The following MKLN1 variants were observed in gnomAD, a reference collection of about 807,000 sequenced individuals.
MKLN1 encodes the protein muskelin 1.
In MKLN1, 18 loss-of-function variants were observed where a neutral mutation model predicts 99.0. The observed-to-expected ratio is 0.18, with a 90% CI of 0.13 to 0.27. The LOEUF (loss-of-function observed/expected upper bound fraction) is 0.27, where lower values mean the gene tolerates loss of function less well. MKLN1 is among the 10% of genes least tolerant of loss of function. MKLN1 has a pLI of 1.00. For missense variants in MKLN1, 621 were observed against 875.9 expected (o/e 0.71, Z 3.67); for synonymous variants, 288 against 293.2 (o/e 0.98, Z 0.18).
At chr7:131,214,381 C>T (rs1796948918) in intron 3 of MKLN1, among the ~76,000 whole-genome samples, 1 of 152,072 alleles carries the variant, frequency 6.6e-6, no homozygotes, top group African/African-American at 2.4e-5. Context: ...GTAAGTTTTC[C>T]TCATACTGAA....
At chr7:131,450,390 A>G (rs548513417) in intron 12 of MKLN1, among the ~76,000 whole-genome samples, 1 of 152,344 alleles carries the variant, frequency 6.6e-6, no homozygotes, top group Admixed American at 6.5e-5. Context: ...TGACAGCCTT[A>G]CCTTTAGATT....
At chr7:131,343,300 A>G (rs1016916659) in intron 1 of MKLN1, among the ~76,000 whole-genome samples, 11 of 152,188 alleles carry the variant, frequency 7.2e-5, no homozygotes, top group African/African-American at 2.4e-4. Context: ...ACTTTTCCCT[A>G]AAGTTTATAC....
intron 9 of MKLN1, among the ~76,000 whole-genome samples, chr7:131,430,805 A>G (rs779292293): frequency 5.5e-4 from 83 of 152,266 alleles, no homozygotes; most frequent in Non-Finnish European, 4.4e-4. Context: ...GCTCACACCT[A>G]TAATCACAGT....
At chr7:131,453,010 A>C (rs1294235304) in intron 12 of MKLN1, among the ~76,000 whole-genome samples, 1 of 152,200 alleles carries the variant, frequency 6.6e-6, no homozygotes, top group African/African-American at 2.4e-5. Context: ...CTGTCAGTTT[A>C]GTATGTTTTG....
intron 3 of MKLN1, among the ~76,000 whole-genome samples, chr7:131,292,690 G>T (rs1010632402): frequency 1.3e-5 from 2 of 152,206 alleles, no homozygotes; most frequent in Non-Finnish European, 2.9e-5. Context: ...AGGGAGCATG[G>T]CCCTGCCAAC....
chr7:131,324,999 A>G (rs1478952559), upstream of MKLN1, among the ~76,000 whole-genome samples: 7 of 152,200 alleles, frequency 4.6e-5, no homozygotes, highest in Admixed American at 3.3e-4. Flanking sequence ...CTGAGTAGCA[A>G]TTATACCTCA....
At chr7:131,190,824 T>C (rs998486697) in intron 2 of MKLN1, among the ~76,000 whole-genome samples, 26 of 152,098 alleles carry the variant, frequency 1.7e-4, no homozygotes, top group African/African-American at 6.0e-4. Flanking sequence ...AGACTGGTAG[T>C]GGAAAATGGA....
chr7:131,438,878 A>C (rs936919561), intron 10 of MKLN1, among the ~76,000 whole-genome samples: 6 of 152,078 alleles, frequency 3.9e-5, no homozygotes, highest in Non-Finnish European at 4.4e-5. Context: ...CATAGAACCC[A>C]GGGTCTTTAT....
At chr7:131,156,364 A>G (rs944443035) in intron 2 of MKLN1, among the ~76,000 whole-genome samples, 2 of 151,336 alleles carry the variant, frequency 1.3e-5, no homozygotes, top group Non-Finnish European at 2.9e-5. Context: ...CGTCTCTACT[A>G]AAAAATACAA....
At chr7:131,312,741 A>G (rs535340217) in intron 3 of MKLN1, among the ~76,000 whole-genome samples, 1 of 152,310 alleles carries the variant, frequency 6.6e-6, no homozygotes, top group Non-Finnish European at 1.5e-5. Context: ...CTGGCCTAGT[A>G]GTTTTAGTTA....
At chr7:131,175,371 T>A (rs1022636945) in intron 2 of MKLN1, among the ~76,000 whole-genome samples, 1 of 152,178 alleles carries the variant, frequency 6.6e-6, no homozygotes, top group Non-Finnish European at 1.5e-5. Context: ...GGAAATAATA[T>A]TTATGAGTGC....
chr7:131,291,100 A>ATTTT (rs1554547690), intron 3 of MKLN1, among the ~76,000 whole-genome samples: 119 of 111,172 alleles, frequency 1.1e-3, no homozygotes, highest in Non-Finnish European at 1.5e-3. Context: ...ATCTCATTTT[A>ATTTT]TTTTATTTAT....
At position 131,118,043 on chromosome 7, in the gene MKLN1, G is replaced by C. The variant is rs1287574737; in HGVS notation, c.-419+7836G>C. ...CCAATGTTGGAGGTGGGGCCTGGTG[G>C]GAGGTATTGGATCATGGGGGCAGAT... On this transcript the variant is annotated intron_variant, in intron 1 of 7. Coordinates refer to the MKLN1 transcript ENST00000416992. Among the ~76,000 whole-genome samples, 3 of 152,170 alleles carry C rather than the reference G, an allele frequency of 2.0e-5. 1 individual carries two copies. The highest frequency in any genetic ancestry group is 1.3e-4 in the Admixed American group (2 of 15,282).
intron 15 of MKLN1, among the ~76,000 whole-genome samples, chr7:131,466,646 G>A (rs1191876106): frequency 6.6e-6 from 1 of 152,050 alleles, no homozygotes; most frequent in Non-Finnish European, 1.5e-5. Flanking sequence ...TTAAAAAAAT[G>A]GAAAATAATT....
intron 6 of MKLN1, among the ~76,000 whole-genome samples, chr7:131,407,576 C>T (rs1794743704): frequency 1.3e-5 from 2 of 151,664 alleles, no homozygotes; most frequent in Non-Finnish European, 2.9e-5. Flanking sequence ...AAGATTTTTC[C>T]TTATAACACC....
At chr7:131,139,503 C>G (rs564210517) in intron 1 of MKLN1, among the ~76,000 whole-genome samples, 2 of 152,134 alleles carry the variant, frequency 1.3e-5, no homozygotes, top group African/African-American at 4.8e-5. Context: ...CTAGAGAGGC[C>G]CCCTGCTTGG....
intron 1 of MKLN1, among the ~76,000 whole-genome samples, chr7:131,358,558 A>G (rs563603384): frequency 2.2e-4 from 33 of 152,254 alleles, no homozygotes; most frequent in African/African-American, 7.9e-4. Context: ...AGCATTAGGA[A>G]GTGTTTCCTC....
At chr7:131,387,607 T>C (rs1028317083) in intron 3 of MKLN1, among the ~76,000 whole-genome samples, 1 of 152,162 alleles carries the variant, frequency 6.6e-6, no homozygotes, top group Non-Finnish European at 1.5e-5. Flanking sequence ...AAATACAGGC[T>C]CTATCCAAAA....
intron 8 of MKLN1, among the ~76,000 whole-genome samples, chr7:131,422,739 G>GT (rs983483448): frequency 3.9e-4 from 58 of 147,832 alleles, no homozygotes; most frequent in South Asian, 3.0e-3. Flanking sequence ...AGTCTGTAGG[G>GT]TTTTTTTTTT....
Sources: gnomAD v4.1 joint callset for allele counts (sites outside exome capture counted in the v4.1 genomes callset) on GRCh38, gnomAD v4.1.1 for gene constraint, MANE v1.5 for transcripts, NCBI Gene and HGNC (gene_info 2026-07-23, HGNC 2026-07-21) for gene names.